The following SDK1 variants were observed in gnomAD, a reference collection of about 807,000 sequenced individuals.
SDK1 encodes sidekick cell adhesion molecule 1.
SDK1 carries 157 observed loss-of-function variants against 245.5 expected under a neutral mutation model. That is an observed-to-expected ratio of 0.64 (90% CI 0.56 to 0.73). The LOEUF (loss-of-function observed/expected upper bound fraction) is 0.73. Ranked by LOEUF, SDK1 falls within the 30% of genes least tolerant of loss-of-function variation. SDK1 has a pLI of 0.00. For missense variants in SDK1, 3,583 were observed against 3,002.3 expected (o/e 1.19, Z -4.52); for synonymous variants, 1,647 against 1,278.5 (o/e 1.29, Z -6.15).
intron 4 of SDK1, among the ~76,000 whole-genome samples, chr7:3,668,385 T>C (rs1172914204): frequency 6.6e-6 from 1 of 152,214 alleles, no homozygotes; most frequent in Non-Finnish European, 1.5e-5. Context: ...CCCCAGTTCC[T>C]TTCTACATGG....
At chr7:4,128,748 G>A in intron 26 of SDK1, among the ~76,000 whole-genome samples, 1 of 147,590 alleles carries the variant, frequency 6.8e-6, no homozygotes, top group South Asian at 2.2e-4. Flanking sequence ...GAGCAGCTTG[G>A]GGTGGGGTCC....
intron 13 of SDK1, among the ~76,000 whole-genome samples, chr7:3,986,151 T>C (rs1198502458): frequency 3.3e-5 from 5 of 152,138 alleles, no homozygotes; most frequent in African/African-American, 4.8e-5. Context: ...GTAGAAACCA[T>C]GTAGTAGGGT....
At chr7:3,622,489 A>G (rs766574036) in intron 2 of SDK1, among the ~76,000 whole-genome samples, 1 of 152,210 alleles carries the variant, frequency 6.6e-6, no homozygotes, top group Non-Finnish European at 1.5e-5. Flanking sequence ...TCCAAAAACA[A>G]AATTTTAAAA....
chr7:3,388,959 A>G (rs374756270), intron 1 of SDK1, among the ~76,000 whole-genome samples: 1 of 152,202 alleles, frequency 6.6e-6, no homozygotes, highest in African/African-American at 2.4e-5. Context: ...AGCAGCCGTG[A>G]TACCTGCTGG....
intron 4 of SDK1, among the ~76,000 whole-genome samples, chr7:3,666,593 G>A (rs529603812): frequency 6.6e-6 from 1 of 152,252 alleles, no homozygotes; most frequent in South Asian, 2.1e-4. Flanking sequence ...TTGCTTCTCT[G>A]TATATCATAA....
In SDK1 at chr7:4,266,739, G is replaced by A. The variant is rs1424880443; in HGVS notation, c.*1355G>A. The stretch of plus-strand genomic sequence containing the variant: ...GCTGCCATGGTCCACCCCTCAGCCC[G>A]GGTCCCGGGTCTGGATGGAACGGGA... On this transcript the variant is annotated 3_prime_UTR_variant, in exon 45 of 45. Transcript: ENST00000404826. 1.3e-5 allele frequency: 13 copies of A among 985,438 alleles called. No individual in the cohort carries two copies. The highest frequency in any genetic ancestry group is 3.5e-5 in the African/African-American group (2 of 57,356). 61.0% of individuals were successfully genotyped at this position (985,438 alleles called of 1,614,324 possible). A position where few individuals can be genotyped will look rare whatever the true frequency, so the allele number is the denominator to read the frequency against.
In SDK1 at chr7:4,139,682, TG is replaced by T. The variant is rs1256364919; in HGVS notation, c.4229-6039del. Among the ~76,000 whole-genome samples, 183 of 142,084 alleles carry T rather than the reference TG, an allele frequency of 1.3e-3. 17 individuals are homozygous for T. Among genetic ancestry groups the T allele is most frequent in the East Asian group, 6.6e-3 (33 of 4,970 alleles). The allele number at this position is 142,084 out of a possible 152,430, so 93.2% of individuals were successfully genotyped here. ...GTGTATATGTGTGTGTGTATATGTG[TG>T]TGTGTGTATGTGTGTGTGTGTATGT... On this transcript the variant is annotated intron_variant, in intron 28 of 44. Transcript: ENST00000404826.
chr7:4,230,835 C>T (rs1272089501), intron 40 of SDK1, among the ~76,000 whole-genome samples: 1 of 152,102 alleles, frequency 6.6e-6, no homozygotes, highest in Non-Finnish European at 1.5e-5. Flanking sequence ...TCAAGGTTGA[C>T]CTCAAAAAGA....
At chr7:3,439,190 G>C (rs1020838780) in intron 1 of SDK1, among the ~76,000 whole-genome samples, 1 of 152,064 alleles carries the variant, frequency 6.6e-6, no homozygotes, top group Non-Finnish European at 1.5e-5. Flanking sequence ...CAAATGTGCA[G>C]TTCATCACAT....
At chr7:3,902,032 C>G (rs148878028) in intron 5 of SDK1, among the ~76,000 whole-genome samples, 9 of 152,156 alleles carry the variant, frequency 5.9e-5, no homozygotes, top group Admixed American at 5.9e-4. Context: ...CCAGGCTCAC[C>G]TGTATTTTTC....
chr7:3,668,686 G>A (rs10246062), intron 4 of SDK1, among the ~76,000 whole-genome samples: 56,053 of 152,054 alleles, frequency 0.37, 11,324 homozygotes, highest in African/African-American at 0.53. Context: ...ACCTACTCGG[G>A]AGGCTGAGGC....
intron 1 of SDK1, among the ~76,000 whole-genome samples, chr7:3,578,780 T>A (rs952310509): frequency 6.6e-6 from 1 of 151,898 alleles, no homozygotes; most frequent in African/African-American, 2.4e-5. Flanking sequence ...GACCTTATGG[T>A]TGTCTTCCCT....
At chr7:3,478,700 C>T (rs1583919322) in intron 1 of SDK1, among the ~76,000 whole-genome samples, 1 of 151,908 alleles carries the variant, frequency 6.6e-6, no homozygotes, top group Non-Finnish European at 1.5e-5. Context: ...TATTTTTGCT[C>T]TTTTATTATT....
At chr7:4,037,429 G>A (rs1213079093) in intron 17 of SDK1, among the ~76,000 whole-genome samples, 1 of 152,024 alleles carries the variant, frequency 6.6e-6, no homozygotes, top group African/African-American at 2.4e-5. Flanking sequence ...GACCAGCTTG[G>A]GCCGCATAGT....
At chr7:3,624,630 G>A (rs114010042) in intron 2 of SDK1, among the ~76,000 whole-genome samples, 4,477 of 152,182 alleles carry the variant, frequency 0.029, 189 homozygotes, top group African/African-American at 0.096. Flanking sequence ...ATAATGGGGA[G>A]GAACTTTTTT....
intron 5 of SDK1, among the ~76,000 whole-genome samples, chr7:3,894,021 C>G (rs1289576906): frequency 6.6e-6 from 1 of 152,172 alleles, no homozygotes; most frequent in East Asian, 1.9e-4. Flanking sequence ...ATACAGTCAC[C>G]TAAAGACATG....
chr7:3,781,621 C>T (rs545331375), intron 4 of SDK1, among the ~76,000 whole-genome samples: 1 of 151,904 alleles, frequency 6.6e-6, no homozygotes, highest in African/African-American at 2.4e-5. Context: ...CAGAATAGTA[C>T]TCATAAAGAA....
At chr7:4,225,414 G>A (rs1785375998) in intron 40 of SDK1, among the ~76,000 whole-genome samples, 2 of 152,194 alleles carry the variant, frequency 1.3e-5, no homozygotes, top group Admixed American at 6.5e-5. Flanking sequence ...TGGGAGAGCG[G>A]CCTGTGGGAT....
chr7:3,452,468 C>T (rs1780544788), intron 1 of SDK1, among the ~76,000 whole-genome samples: 1 of 152,078 alleles, frequency 6.6e-6, no homozygotes, highest in Admixed American at 6.5e-5. Context: ...TAAAGGTAAC[C>T]TTATAATTAG....
Sources: allele counts gnomAD v4.1 joint callset (sites outside exome capture counted in the v4.1 genomes callset), GRCh38; gene constraint gnomAD v4.1.1; transcripts MANE v1.5; gene names NCBI Gene and HGNC (gene_info 2026-07-23, HGNC 2026-07-21).